Variants in ABAT observed in about 807,000 individuals in gnomAD.
ABAT encodes 4-aminobutyrate aminotransferase.
A neutral mutation model predicts 64.6 loss-of-function variants in ABAT; 45 were observed. The ratio of observed to expected loss-of-function variants is 0.70; its 90% CI spans 0.55 to 0.89. The LOEUF (loss-of-function observed/expected upper bound fraction) is 0.89. ABAT is among the 40% of genes least tolerant of loss of function. The pLI, the probability that ABAT is intolerant of heterozygous loss-of-function variation, is 0.00. For missense variants in ABAT, 633 were observed against 658.4 expected, an observed-to-expected ratio of 0.96 and a Z score of 0.42; for synonymous variants, 297 against 250.5, an observed-to-expected ratio of 1.19 and a Z score of -1.75.
At chr16:8,723,822 TATA>T (rs2058449399) in intron 1 of ABAT, among the ~76,000 whole-genome samples, 1 of 56,376 alleles carries the variant, frequency 1.8e-5, no homozygotes, top group African/African-American at 6.3e-5. Flanking sequence ...TATATATATA[TATA>T]TATTTTTTTT....
At chr16:8,687,395 G>A (rs762959757) in intron 1 of ABAT, among the ~76,000 whole-genome samples, 28 of 151,704 alleles carry the variant, frequency 1.8e-4, no homozygotes, top group Admixed American at 1.5e-3. Flanking sequence ...GTGTTGTGGC[G>A]CATGCCTGTA....
At chr16:8,780,057 A>C (rs1256265474) in intron 15 of ABAT, among the ~76,000 whole-genome samples, 1 of 152,196 alleles carries the variant, frequency 6.6e-6, no homozygotes, top group Non-Finnish European at 1.5e-5. Flanking sequence ...AGTCTTGACA[A>C]ACAGGGATTG....
chr16:8,745,179 A>T (rs2059294558), intron 2 of ABAT, among the ~76,000 whole-genome samples: 1 of 151,954 alleles, frequency 6.6e-6, no homozygotes, highest in Admixed American at 6.6e-5. Flanking sequence ...ATGGGGTTTC[A>T]CCACGTTGCC....
chr16:8,779,557 C>A lies in ABAT; in HGVS notation c.1348C>A (p.Arg450=). The change falls in exon 15 of 16, where the codon CGG becomes AGG. Residue 450 remains arginine, a synonymous_variant. Coordinates refer to ENST00000268251, the MANE Select transcript of ABAT (RefSeq NM_020686.6). ...CSFDTPDDSI[R]NKLILIARNK... Reference sequence around the variant, plus strand: ...CTTCGATACTCCCGATGATTCCATACGGAATAAGCTCATTTTAATTGCCAG... The same window carrying A: ...CTTCGATACTCCCGATGATTCCATAAGGAATAAGCTCATTTTAATTGCCAG... 4 of 1,614,092 alleles carry A rather than the reference C, an allele frequency of 2.5e-6. No homozygotes were observed. Among genetic ancestry groups the A allele is most frequent in the Non-Finnish European group, 3.4e-6 (4 of 1,179,990 alleles).
At chr16:8,780,767 A>ATT (rs1567320496) in intron 15 of ABAT, 1 of 176,978 alleles carries the variant, frequency 5.7e-6, no homozygotes, top group Admixed American at 5.8e-5. Context: ...CATCTCTAAA[A>ATT]AAAAAAAAAA....
At chr16:8,730,637 T>G (rs1010756629) in intron 1 of ABAT, among the ~76,000 whole-genome samples, 6 of 152,170 alleles carry the variant, frequency 3.9e-5, no homozygotes, top group African/African-American at 1.4e-4. Context: ...GAGAAGCCTC[T>G]TGGTCTTCAT....
intron 1 of ABAT, among the ~76,000 whole-genome samples, chr16:8,725,589 A>G (rs1028680676): frequency 2.0e-5 from 3 of 152,228 alleles, no homozygotes; most frequent in African/African-American, 7.2e-5. Flanking sequence ...CGTTGTAAGG[A>G]TAGACCATGT....
intron 9 of ABAT, among the ~76,000 whole-genome samples, chr16:8,766,795 C>G (rs2059959471): frequency 6.6e-6 from 1 of 152,140 alleles, no homozygotes; most frequent in African/African-American, 2.4e-5. Flanking sequence ...ATGGCGAAAC[C>G]CTGTCTCTAC....
chr16:8,765,147 C>A (rs892020500), intron 8 of ABAT, among the ~76,000 whole-genome samples: 1 of 151,890 alleles, frequency 6.6e-6, no homozygotes, highest in African/African-American at 2.4e-5. Flanking sequence ...GCCTGGGCAA[C>A]ATGACGAAAC....
Position 8,737,991 on chromosome 16 carries a change from G to GGAAGGAAGGAAGAAAGAAAGAAAGAAA in ABAT, c.70+2185_70+2186insGGAAGGAAGAAAGAAAGAAAGAAAGAA, listed in dbSNP as rs1567295685. Among the ~76,000 whole-genome samples the GGAAGGAAGGAAGAAAGAAAGAAAGAAA allele has an allele frequency of 2.1e-3, 31 of 14,950 alleles. 5 individuals are homozygous for GGAAGGAAGGAAGAAAGAAAGAAAGAAA. The highest frequency in any genetic ancestry group is 2.7e-3 in the Non-Finnish European group (22 of 8,108). 9.8% of individuals were successfully genotyped at this position (14,950 alleles called of 152,430 possible). On this transcript the variant is annotated intron_variant, in intron 2 of 15. Coordinates refer to ENST00000268251, the MANE Select transcript of ABAT (RefSeq NM_020686.6). ...AAGGAAGGAAGGAAGGAAGGAAGGA[G>GGAAGGAAGGAAGAAAGAAAGAAAGAAA]GAAAGAAAGAAAGAAAGAAAGAAAG...
At chr16:8,743,007 T>TTA (rs779325134) in intron 2 of ABAT, among the ~76,000 whole-genome samples, 15 of 124,250 alleles carry the variant, frequency 1.2e-4, no homozygotes, top group African/African-American at 4.2e-4. Flanking sequence ...CTCATTTCTT[T>TTA]AAAAAAAAAA....
intron 2 of ABAT, chr16:8,738,498 C>A: frequency 2.2e-6 from 1 of 455,172 alleles, no homozygotes; most frequent in South Asian, 1.6e-5. Context: ...ATGGCCTCCT[C>A]TGGTCTGTGA....
At chr16:8,746,601 G>GA (rs897554347) in intron 3 of ABAT, among the ~76,000 whole-genome samples, 1 of 151,130 alleles carries the variant, frequency 6.6e-6, no homozygotes. Flanking sequence ...GGCTGGTCTT[G>GA]AAGTCCTGAC....
intron 1 of ABAT, among the ~76,000 whole-genome samples, chr16:8,730,209 G>A (rs947192542): frequency 4.6e-5 from 7 of 152,164 alleles, no homozygotes; most frequent in African/African-American, 1.7e-4. Context: ...GGTAAGGACG[G>A]CCTCTAATTG....
chr16:8,774,820 G>A (rs958431125), intron 12 of ABAT, 70 bp from the exon 13 acceptor site: 2 of 1,591,174 alleles, frequency 1.3e-6, no homozygotes, highest in African/African-American at 1.3e-5. Context: ...CAGTTAGCTG[G>A]CTATGGAGGG....
At chr16:8,684,835 C>T (rs2057416628) in intron 1 of ABAT, among the ~76,000 whole-genome samples, 2 of 151,892 alleles carry the variant, frequency 1.3e-5, no homozygotes, top group African/African-American at 4.8e-5. Flanking sequence ...ACATTAGAAC[C>T]AGTTCAAAGG....
At chr16:8,681,778 A>T (rs2057339590) in intron 1 of ABAT, among the ~76,000 whole-genome samples, 1 of 151,342 alleles carries the variant, frequency 6.6e-6, no homozygotes, top group African/African-American at 2.4e-5. Context: ...AGTAGCTGGG[A>T]TTACAGGCAC....
rs542575561 is a variant in ABAT at position 8,768,187 on chromosome 16, T to A, written c.604-6T>A. Reference sequence around the variant, plus strand: ...ATGACTAATGACTGATATTTCTTGGTTTTAGGCCCCTGGCTGCCCCGACTA... The same window carrying A: ...ATGACTAATGACTGATATTTCTTGGATTTAGGCCCCTGGCTGCCCCGACTA... On this transcript the variant is annotated splice_region_variant and splice_polypyrimidine_tract_variant and intron_variant, in intron 9 of 15. Coordinates refer to ENST00000268251, the MANE Select transcript of ABAT (RefSeq NM_020686.6). The A allele has an allele frequency of 9.9e-6, 16 of 1,613,970 alleles. No homozygotes were observed. The highest frequency in any genetic ancestry group is 7.7e-5 in the South Asian group (7 of 91,076).
At chr16:8,734,577 A>C (rs770582376) in intron 1 of ABAT, among the ~76,000 whole-genome samples, 1 of 152,152 alleles carries the variant, frequency 6.6e-6, no homozygotes, top group African/African-American at 2.4e-5. Context: ...ACATGTTAAT[A>C]ATAGTAATAA....
Sources: gnomAD v4.1 joint callset for allele counts (sites outside exome capture counted in the v4.1 genomes callset) on GRCh38, gnomAD v4.1.1 for gene constraint, MANE v1.5 for transcripts, NCBI Gene and HGNC (gene_info 2026-07-23, HGNC 2026-07-21) for gene names.